CYP4A22: variants seen among roughly 807,000 people sequenced by gnomAD.
CYP4A22 encodes the protein cytochrome P450 family 4 subfamily A member 22.
Under a neutral mutation model 56.2 loss-of-function variants are expected in CYP4A22, and 46 were observed. The observed-to-expected ratio is 0.82, with a 90% CI of 0.65 to 1.05. CYP4A22 has a LOEUF of 1.05. Among genes scored for constraint, CYP4A22 ranks in the 50% least tolerant of loss-of-function variants. The pLI is 0.00. For synonymous variants in CYP4A22, 193 were observed against 251.1 expected, an observed-to-expected ratio of 0.77 and a Z score of 2.19; for missense variants, 541 against 645.9, an observed-to-expected ratio of 0.84 and a Z score of 1.76.
At chr1:47,141,399 G>A (rs1645007585) in intron 2 of CYP4A22, among the ~76,000 whole-genome samples, 172 bp from the exon 3 acceptor site, 1 of 152,152 alleles carries the variant, frequency 6.6e-6, no homozygotes, top group African/African-American at 2.4e-5. Context: ...CACTGAGTCT[G>A]TCTTCCTGAG....
Position 47,143,290 on chromosome 1 carries a change from G to A in CYP4A22, c.532G>A (p.Gly178Ser), listed in dbSNP as rs755543244. ...VMLDKWEELL[G>S]QDSPLEVFQH... The stretch of plus-strand genomic sequence containing the variant: ...ACAGGACAAATGGGAAGAGCTCCTT[G>A]GCCAGGATTCCCCTCTGGAGGTCTT... The change falls in exon 5 of 12, where the codon GGC becomes AGC. Residue 178 changes from glycine to serine, a missense_variant. Around this residue, in one of 3 missense-constraint regions of CYP4A22, gnomAD observed 335 missense variants for 361.2 expected, o/e 0.93. Coordinates refer to ENST00000371891, the MANE Select transcript of CYP4A22 (RefSeq NM_001010969.4). The A allele has an allele frequency of 1.5e-5, 25 of 1,613,312 alleles. No homozygotes were observed. The East Asian group carries it at 5.6e-4, about 36-fold the overall frequency.
Position 47,149,237 on chromosome 1 carries a change from G to A in CYP4A22, c.*440G>A, listed in dbSNP as rs9333040. On this transcript the variant is annotated 3_prime_UTR_variant, in exon 12 of 12. Transcript: ENST00000371891. ...GGCTCGTGGCTCTGGAATGTGTCTG[G>A]ACTTGCTGGCTCCTCGCTCCTTGCT... is the stretch of plus-strand genomic sequence containing the variant. The A allele has an allele frequency of 7.0e-3, 1,135 of 161,216 alleles. 7 individuals are homozygous for A. The highest frequency in any genetic ancestry group is 0.03 in the South Asian group (150 of 5,068). 10.0% of individuals were successfully genotyped at this position (161,216 alleles called of 1,614,324 possible).
rs768461195 is a variant in CYP4A22 at position 47,143,410 on chromosome 1, C to T, written c.635+17C>T. The T allele has an allele frequency of 3.8e-6, 6 of 1,588,682 alleles. No individual in the cohort carries two copies. Among genetic ancestry groups the T allele is most frequent in the Non-Finnish European group, 5.1e-6 (6 of 1,170,130 alleles). On this transcript the variant is annotated intron_variant, in intron 5 of 11. Transcript: ENST00000371891. The stretch of plus-strand genomic sequence containing the variant: ...GGTGGACAGGTCAGTGACAACCCTC[C>T]AGCTGCAGGGCCCTTGTTCTTATCA...
intron 4 of CYP4A22, among the ~76,000 whole-genome samples, chr1:47,142,938 A>G (rs1645028978): frequency 6.6e-6 from 1 of 152,218 alleles, no homozygotes; most frequent in South Asian, 2.1e-4. Flanking sequence ...AGAGTCCCCC[A>G]TTATTTATCC....
chr1:47,144,604 T>C lies in CYP4A22; in HGVS notation c.952T>C (p.Phe318Leu). 1 of 1,613,922 alleles carries C rather than the reference T, an allele frequency of 6.2e-7. No homozygotes were observed. Among genetic ancestry groups the C allele is most frequent in the Non-Finnish European group, 8.5e-7 (1 of 1,179,850 alleles). The change falls in exon 8 of 12, where the codon TTC (phenylalanine) becomes CTC (leucine). Residue 318 changes from phenylalanine to leucine, a missense_variant. Phe to Leu is a conservative substitution (Grantham distance 22). Coordinates refer to ENST00000371891, the MANE Select transcript of CYP4A22 (RefSeq NM_001010969.4). The stretch of plus-strand genomic sequence containing the variant: ...GGACCTCCGTGCTGAGGTGGACACG[T>C]TCATGTTTGAGGGCCACGACACCAC... ...DKDLRAEVDT[F>L]MFEGHDTTAS...
chr1:47,145,811 C>A (rs1184369365), intron 9 of CYP4A22, 55 bp from the exon 10 acceptor site: 7 of 1,609,500 alleles, frequency 4.3e-6, no homozygotes, highest in Non-Finnish European at 5.9e-6. Context: ...GCTGAAGTAC[C>A]AGGCCACCCC....
At chr1:47,146,209 C>A (rs995243109) in intron 11 of CYP4A22, 56 bp downstream of exon 11, 91 of 1,613,070 alleles carry the variant, frequency 5.6e-5, no homozygotes, top group Non-Finnish European at 7.1e-5. Flanking sequence ...CTCTGGTCAA[C>A]CCTCTGATCT....
At chr1:47,141,229 T>C (rs1645005392) in intron 2 of CYP4A22, among the ~76,000 whole-genome samples, 3 of 152,162 alleles carry the variant, frequency 2.0e-5, no homozygotes, top group East Asian at 1.9e-4. Context: ...TTGACTTGGG[T>C]TTCGAAGCTC....
At chr1:47,141,735 C>A in intron 3 of CYP4A22, 120 bp downstream of exon 3, 3 of 1,317,508 alleles carry the variant, frequency 2.3e-6, no homozygotes, top group Admixed American at 4.5e-5. Flanking sequence ...CAAATCAAGC[C>A]TCATTTCCCT....
rs927343635 is a variant in CYP4A22 at position 47,146,305 on chromosome 1, C to A, written c.1364+152C>A. The A allele has an allele frequency of 2.6e-6, 4 of 1,543,856 alleles. No individual in the cohort carries two copies. In the African/African-American group the frequency reaches 4.1e-5, roughly 16 times the overall value. On this transcript the variant is annotated intron_variant, in intron 11 of 11. Transcript: ENST00000371891. ...GGGAAAGTCAGGCACCTGGTGTGGGCGTCTCTGTGTACAAAAGGAAGGTGG... is the reference window on the plus strand; with the variant it reads ...GGGAAAGTCAGGCACCTGGTGTGGGAGTCTCTGTGTACAAAAGGAAGGTGG...
rs763943478 is a variant in CYP4A22 at position 47,140,922 on chromosome 1, G to C, written c.337+1G>C. ...ATGAAGGTGATTCTGGGGAGATCAG[G>C]TGAGATCGAACCCCCATCCCAACTG... On this transcript the variant is annotated splice_donor_variant, in intron 2 of 11. Transcript: ENST00000371891. LOFTEE classifies it high-confidence loss of function. 1 of 1,613,824 alleles carries C rather than the reference G, an allele frequency of 6.2e-7. No homozygotes were observed. Among genetic ancestry groups the C allele is most frequent in the Non-Finnish European group, 8.5e-7 (1 of 1,179,922 alleles).
intron 6 of CYP4A22, 88 bp downstream of exon 6, chr1:47,144,004 A>T (rs1383484774): frequency 3.5e-5 from 53 of 1,519,668 alleles, no homozygotes; most frequent in Non-Finnish European, 4.7e-5. Flanking sequence ...GGTCCCTAGT[A>T]ATCCTGCAGA....
In CYP4A22 at chr1:47,139,528, T is replaced by C. The variant is rs113872650; in HGVS notation, c.196-1252T>C. On this transcript the variant is annotated intron_variant, in intron 1 of 11. Coordinates refer to ENST00000371891, the MANE Select transcript of CYP4A22 (RefSeq NM_001010969.4). ...ATCCCCTACTGCACAGCCTCTAATCTTCCTTACCCCCCAACTAGACTGAAA... is the reference window on the plus strand; with the variant it reads ...ATCCCCTACTGCACAGCCTCTAATCCTCCTTACCCCCCAACTAGACTGAAA... 4.4e-3 allele frequency among the ~76,000 whole-genome samples: 670 copies of C among 152,296 alleles called. 4 individuals carry two copies. Among genetic ancestry groups the C allele is most frequent in the African/African-American group, 0.015 (623 of 41,572 alleles).
At chr1:47,139,788 C>G (rs1644986451) in intron 1 of CYP4A22, among the ~76,000 whole-genome samples, 1 of 152,286 alleles carries the variant, frequency 6.6e-6, no homozygotes, top group Non-Finnish European at 1.5e-5. Context: ...GAAGAGTTGG[C>G]TACATGGAAC....
At chr1:47,141,095 T>G (rs746885910) in intron 2 of CYP4A22, among the ~76,000 whole-genome samples, 174 bp downstream of exon 2, 32 of 152,362 alleles carry the variant, frequency 2.1e-4, no homozygotes, top group Admixed American at 3.9e-4. Flanking sequence ...TACTGAATAC[T>G]GAATGTTTAA....
In CYP4A22 at chr1:47,139,151, G is replaced by T. The variant is rs536210686; in HGVS notation, c.195+1471G>T. Reference sequence around the variant, plus strand: ...CTAGGCCTCTGATCACAATGTGCTTGCTACCTGGAATTATTTTCTCACTCA... The same window carrying T: ...CTAGGCCTCTGATCACAATGTGCTTTCTACCTGGAATTATTTTCTCACTCA... On this transcript the variant is annotated intron_variant, in intron 1 of 11. Coordinates refer to ENST00000371891, the MANE Select transcript of CYP4A22 (RefSeq NM_001010969.4). Among the ~76,000 whole-genome samples the T allele has an allele frequency of 3.6e-4, 55 of 152,296 alleles. No homozygotes were observed. In the South Asian group the frequency reaches 0.011, roughly 30 times the overall value.
At chr1:47,142,821 A>T (rs542789793) in intron 4 of CYP4A22, among the ~76,000 whole-genome samples, 1 of 152,360 alleles carries the variant, frequency 6.6e-6, no homozygotes, top group Admixed American at 6.5e-5. Context: ...TCTCTACAAC[A>T]CAGTGCCCAT....
At position 47,140,008 on chromosome 1, in the gene CYP4A22, C is replaced by T. The variant is rs574909620; in HGVS notation, c.196-772C>T. ...GCATCGGCGTTGGAGCTGAAACAAA[C>T]GGGTGATGGTGGAATTGCCAGCAGG... is the stretch of plus-strand genomic sequence containing the variant. On this transcript the variant is annotated intron_variant, in intron 1 of 11. Coordinates refer to ENST00000371891, the MANE Select transcript of CYP4A22 (RefSeq NM_001010969.4). Among the ~76,000 whole-genome samples the T allele has an allele frequency of 1.3e-4, 20 of 152,222 alleles. No individual in the cohort carries two copies. In the East Asian group the frequency reaches 2.5e-3, roughly 19 times the overall value.
chr1:47,141,065 A>C, intron 2 of CYP4A22, 144 bp downstream of exon 2: 1 of 1,324,420 alleles, frequency 7.6e-7, no homozygotes, highest in South Asian at 1.6e-5. Flanking sequence ...CACCATGCCC[A>C]GGCTGTAGTC....
Sources: gnomAD v4.1 joint callset for allele counts (sites outside exome capture counted in the v4.1 genomes callset) on GRCh38, gnomAD v4.1.1 for gene constraint, gnomAD v4.1.1 regional missense constraint, MANE v1.5 for transcripts, NCBI Gene and HGNC (gene_info 2026-07-23, HGNC 2026-07-21) for gene names.